LRMDA: variants seen among roughly 807,000 people sequenced by gnomAD.
LRMDA encodes leucine rich melanocyte differentiation associated, also known as leucine-rich melanocyte differentiation-associated protein.
Under a neutral mutation model 29.8 loss-of-function variants are expected in LRMDA, and 18 were observed. That is an observed-to-expected ratio of 0.60 (90% confidence interval 0.42 to 0.90). The LOEUF is 0.90. Among genes scored for constraint, LRMDA ranks in the 40% least tolerant of loss-of-function variants. The pLI, the probability that LRMDA is intolerant of heterozygous loss-of-function variation, is 0.00. For synonymous variants in LRMDA, 125 were observed against 109.4 expected, an observed-to-expected ratio of 1.14 and a Z score of -0.89; for missense variants, 273 against 273.9, an observed-to-expected ratio of 1.00 and a Z score of 0.02.
intron 2 of LRMDA, among the ~76,000 whole-genome samples, chr10:75,802,335 G>GCGCACACACA (rs1375156075): frequency 2.2e-4 from 33 of 147,146 alleles, no homozygotes; most frequent in African/African-American, 4.5e-4. Flanking sequence ...ACACACACGC[G>GCGCACACACA]CACACACACA....
At chr10:75,644,939 A>T (rs1053565811) in intron 2 of LRMDA, among the ~76,000 whole-genome samples, 1 of 151,902 alleles carries the variant, frequency 6.6e-6, no homozygotes, top group African/African-American at 2.4e-5. Flanking sequence ...GTGTCTATTC[A>T]TGTGTTCAGC....
At chr10:76,514,600 G>C (rs1843041184) in intron 6 of LRMDA, among the ~76,000 whole-genome samples, 1 of 152,158 alleles carries the variant, frequency 6.6e-6, no homozygotes. Flanking sequence ...GTTGGGGAGA[G>C]AGTTCCCACA....
intron 2 of LRMDA, among the ~76,000 whole-genome samples, chr10:75,788,574 T>C (rs189044442): frequency 1.2e-4 from 18 of 152,366 alleles, no homozygotes; most frequent in Non-Finnish European, 2.4e-4. Context: ...AATTGTTACA[T>C]TTGCCAGAGT....
At chr10:76,201,935 G>C (rs76841166) in intron 5 of LRMDA, among the ~76,000 whole-genome samples, 1,883 of 152,228 alleles carry the variant, frequency 0.012, 42 homozygotes, top group African/African-American at 0.041. Flanking sequence ...CTTCTTGGCT[G>C]GTCTTTCTCA....
intron 2 of LRMDA, among the ~76,000 whole-genome samples, chr10:75,582,229 A>G (rs1220360477): frequency 1.3e-5 from 2 of 152,142 alleles, no homozygotes; most frequent in Non-Finnish European, 2.9e-5. Flanking sequence ...CCAACTTCAC[A>G]TATCCCCTTT....
chr10:76,449,846 T>C (rs987087133), intron 6 of LRMDA, among the ~76,000 whole-genome samples: 2 of 152,064 alleles, frequency 1.3e-5, no homozygotes, highest in Non-Finnish European at 2.9e-5. Flanking sequence ...TCTGTATTTA[T>C]CAGTGTTTAT....
At chr10:76,111,820 G>A (rs967854313) in intron 5 of LRMDA, among the ~76,000 whole-genome samples, 31 of 151,322 alleles carry the variant, frequency 2.0e-4, no homozygotes, top group Non-Finnish European at 3.4e-4. Context: ...GGGGGGGGGC[G>A]CATGGTGGGC....
chr10:75,911,546 C>T (rs891718598), intron 2 of LRMDA, among the ~76,000 whole-genome samples: 5 of 152,128 alleles, frequency 3.3e-5, no homozygotes, highest in African/African-American at 1.2e-4. Flanking sequence ...TGTTACTGTC[C>T]TCATTGCTAA....
At chr10:75,850,691 G>A (rs1450450155) in intron 2 of LRMDA, among the ~76,000 whole-genome samples, 6 of 152,100 alleles carry the variant, frequency 3.9e-5, no homozygotes, top group South Asian at 4.1e-4. Context: ...AAGATCACTC[G>A]GTTCGGTTCC....
rs551907772 is a variant in LRMDA, at chr10:75,816,024, G to C, written c.132-219984G>C. 6.6e-5 allele frequency among the ~76,000 whole-genome samples: 10 copies of C among 152,326 alleles called. No individual in the cohort carries two copies. The South Asian group carries it at 1.9e-3, about 28-fold the overall frequency. ...TAAATAATAAATGGTGAATGAGAAA[G>C]TCAAGATCAGAGAGTGCTTTGTGAT... On this transcript the variant is annotated intron_variant, in intron 2 of 6. Coordinates refer to ENST00000611255, the MANE Select transcript of LRMDA (RefSeq NM_001305581.2).
intron 2 of LRMDA, among the ~76,000 whole-genome samples, chr10:75,577,575 A>G (rs1474696244): frequency 1.3e-5 from 2 of 152,150 alleles, no homozygotes; most frequent in Non-Finnish European, 2.9e-5. Context: ...CAACCCCAAG[A>G]CACATAATTG....
intron 6 of LRMDA, among the ~76,000 whole-genome samples, chr10:76,555,363 A>C (rs1843543237): frequency 6.6e-6 from 1 of 152,156 alleles, no homozygotes; most frequent in African/African-American, 2.4e-5. Context: ...AATACTGAAA[A>C]CCAGAAATTG....
At chr10:75,542,780 T>TGC (rs1184699278) in intron 2 of LRMDA, among the ~76,000 whole-genome samples, 1 of 152,184 alleles carries the variant, frequency 6.6e-6, no homozygotes, top group Non-Finnish European at 1.5e-5. Flanking sequence ...GGGAGACACA[T>TGC]GCAGGCCTGA....
chr10:76,555,837 A>T (rs1843550573), intron 6 of LRMDA, among the ~76,000 whole-genome samples: 1 of 150,464 alleles, frequency 6.6e-6, no homozygotes, highest in Non-Finnish European at 1.5e-5. Flanking sequence ...AAAAATCATC[A>T]TGTCCCTAGG....
chr10:76,170,451 A>G (rs142524239), intron 5 of LRMDA, among the ~76,000 whole-genome samples: 161 of 152,342 alleles, frequency 1.1e-3, no homozygotes, highest in Non-Finnish European at 2.0e-3. Flanking sequence ...CTAATTGACT[A>G]AAAGTAAGGC....
At chr10:75,966,533 G>A (rs780715646) in intron 2 of LRMDA, among the ~76,000 whole-genome samples, 2 of 152,122 alleles carry the variant, frequency 1.3e-5, no homozygotes, top group Admixed American at 6.5e-5. Context: ...GAAGGCAGGG[G>A]TCCTTGTTAT....
intron 5 of LRMDA, among the ~76,000 whole-genome samples, chr10:76,081,542 CAT>C (rs1564647724): frequency 1.3e-5 from 2 of 152,226 alleles, no homozygotes; most frequent in African/African-American, 4.8e-5. Flanking sequence ...TTTAGGATGA[CAT>C]ATGTTTTACG....
chr10:76,360,791 G>GT (rs1242184815), intron 6 of LRMDA, among the ~76,000 whole-genome samples: 2 of 152,192 alleles, frequency 1.3e-5, no homozygotes, highest in Non-Finnish European at 2.9e-5. Context: ...ACCTGCTACA[G>GT]TTGAACTTTT....
chr10:76,116,772 A>T (rs1849673955), intron 5 of LRMDA, among the ~76,000 whole-genome samples: 1 of 152,114 alleles, frequency 6.6e-6, no homozygotes, highest in East Asian at 1.9e-4. Context: ...TTTTTACATT[A>T]AAGGGAAACT....
Sources: allele counts gnomAD v4.1 joint callset (sites outside exome capture counted in the v4.1 genomes callset), GRCh38; gene constraint gnomAD v4.1.1; transcripts MANE v1.5; gene names NCBI Gene and HGNC (gene_info 2026-07-23, HGNC 2026-07-21).